Variants in CTPS2 observed in about 807,000 individuals in gnomAD.
CTPS2 encodes the protein CTP synthase II.
In CTPS2, 19 loss-of-function variants were observed where a neutral mutation model predicts 46.8. The observed-to-expected ratio is 0.41, with a 90% confidence interval of 0.28 to 0.60. CTPS2 has a LOEUF of 0.60. Ranked by LOEUF, CTPS2 falls within the 20% of genes least tolerant of loss-of-function variation. The probability of loss-of-function intolerance (pLI) is 0.35; values close to 1 mark genes in which losing one functional copy is unlikely to be tolerated. For missense variants in CTPS2, 286 were observed against 447.6 expected, an observed-to-expected ratio of 0.64 and a Z score of 3.26; for synonymous variants, 151 against 165.2, an observed-to-expected ratio of 0.91 and a Z score of 0.66.
intron 13 of CTPS2, among the ~76,000 whole-genome samples, chrX:16,653,185 T>C (rs1932732099): frequency 9.0e-6 from 1 of 111,090 alleles, no homozygotes; most frequent in South Asian, 3.7e-4. Context: ...TAAGTAGTAT[T>C]TTGCACAGAT....
At chrX:16,673,385 C>A (rs936290518) in intron 10 of CTPS2, among the ~76,000 whole-genome samples, 1 of 111,098 alleles carries the variant, frequency 9.0e-6, no homozygotes, top group African/African-American at 3.3e-5. Context: ...TCCCTCTCAT[C>A]TTGTTTCATG....
At chrX:16,644,948 G>A (rs770543017) in intron 13 of CTPS2, among the ~76,000 whole-genome samples, 1 of 112,374 alleles carries the variant, frequency 8.9e-6, no homozygotes, top group African/African-American at 3.2e-5. Flanking sequence ...GTCAAGTTCA[G>A]ATCAAGTACT....
intron 1 of CTPS2, chrX:16,711,828 C>T (rs1925482938): frequency 1.8e-5 from 2 of 111,458 alleles, no homozygotes; most frequent in African/African-American, 6.5e-5. Context: ...TGCGCCCTAA[C>T]CATCTAGTAC....
rs377257523 is a variant in CTPS2, at chrX:16,637,985, G to A, written c.1393+1162C>T. 7.1e-5 allele frequency among the ~76,000 whole-genome samples: 8 copies of A among 111,903 alleles called. 1 individual carries two copies. Among genetic ancestry groups the A allele is most frequent in the Admixed American group, 2.8e-4 (3 of 10,552 alleles). On this transcript the variant is annotated intron_variant, in intron 14 of 18. Transcript: ENST00000359276. ...TTCTGAAGAATTCTTGCCGGGCGTG[G>A]TGACTCACGCCTGTAATCCCAGCAC... is the stretch of plus-strand genomic sequence containing the variant.
chrX:16,639,495 G>T (rs1024506032), intron 13 of CTPS2, among the ~76,000 whole-genome samples: 9 of 110,425 alleles, frequency 8.2e-5, no homozygotes, highest in African/African-American at 2.6e-4. Context: ...GCATCTTGAT[G>T]ATGTCCCTCC....
chrX:16,610,932 G>A (rs1309965555), intron 16 of CTPS2, among the ~76,000 whole-genome samples: 1 of 111,833 alleles, frequency 8.9e-6, no homozygotes, highest in Non-Finnish European at 1.9e-5. Flanking sequence ...GAATTAACAC[G>A]GAAACAGAAA....
intron 11 of CTPS2, 52 bp downstream of exon 11, chrX:16,670,528 G>C: frequency 2.1e-6 from 2 of 945,393 alleles, no homozygotes; most frequent in Non-Finnish European, 3.0e-6. Flanking sequence ...CCCCTCCTAG[G>C]TGTCAAAAAT....
At chrX:16,652,927 G>T (rs929750773) in intron 13 of CTPS2, among the ~76,000 whole-genome samples, 4 of 111,323 alleles carry the variant, frequency 3.6e-5, no homozygotes, top group African/African-American at 1.3e-4. Flanking sequence ...CTTACAGTTT[G>T]GTCTTGTAAT....
intron 17 of CTPS2, among the ~76,000 whole-genome samples, chrX:16,594,391 C>T (rs1373059272): frequency 9.0e-6 from 1 of 111,599 alleles, no homozygotes; most frequent in Non-Finnish European, 1.9e-5. Flanking sequence ...GAAAAAATGG[C>T]AATAATACCT....
At chrX:16,701,538 C>T (rs1319257236) in intron 2 of CTPS2, among the ~76,000 whole-genome samples, 1 of 109,204 alleles carries the variant, frequency 9.2e-6, no homozygotes, top group African/African-American at 3.3e-5. Context: ...CCAGCCTGGG[C>T]GATAGAGTGA....
intron 17 of CTPS2, among the ~76,000 whole-genome samples, chrX:16,597,021 G>T (rs763130386): frequency 1.7e-3 from 184 of 107,527 alleles, no homozygotes; most frequent in African/African-American, 5.9e-3. Context: ...CATGTCCTTC[G>T]CCCACTTTTT....
intron 14 of CTPS2, among the ~76,000 whole-genome samples, chrX:16,621,000 A>T (rs182703070): frequency 1.5e-4 from 17 of 112,150 alleles, no homozygotes; most frequent in Non-Finnish European, 3.2e-4. Flanking sequence ...ATAGCAAATA[A>T]TTGGAAGCAA....
chrX:16,624,431 G>C (rs1931018636), intron 14 of CTPS2, among the ~76,000 whole-genome samples: 1 of 111,502 alleles, frequency 9.0e-6, no homozygotes, highest in Non-Finnish European at 1.9e-5. Flanking sequence ...CTGGAGCCCG[G>C]GTACCCCAGT....
intron 13 of CTPS2, among the ~76,000 whole-genome samples, chrX:16,664,967 A>G (rs1472770244): frequency 8.9e-6 from 1 of 112,262 alleles, no homozygotes; most frequent in African/African-American, 3.2e-5. Flanking sequence ...CCTAATTTTA[A>G]AATAGACAAA....
chrX:16,685,859 T>A (rs1923153524), intron 8 of CTPS2, among the ~76,000 whole-genome samples: 1 of 83,446 alleles, frequency 1.2e-5, no homozygotes, highest in African/African-American at 4.7e-5. Context: ...ACAGCGAGAC[T>A]CTGTCTCCAA....
chrX:16,604,546 G>T (rs967607777), intron 17 of CTPS2, among the ~76,000 whole-genome samples: 2 of 111,259 alleles, frequency 1.8e-5, no homozygotes, highest in Non-Finnish European at 3.8e-5. Context: ...TAGGCCTCAG[G>T]CCAGGCACAT....
intron 18 of CTPS2, 146 bp from the exon 19 acceptor site, chrX:16,589,921 A>G (rs1928800899): frequency 8.9e-6 from 1 of 112,643 alleles, no homozygotes; most frequent in South Asian, 3.7e-4. Context: ...ACAGCTTTGC[A>G]TCTTCCCTGA....
chrX:16,610,075 C>G (rs1026155120), intron 16 of CTPS2, among the ~76,000 whole-genome samples: 6 of 111,577 alleles, frequency 5.4e-5, no homozygotes, highest in Admixed American at 9.6e-5. Context: ...CCTGCAAGGT[C>G]TTCTCCTTTC....
At chrX:16,619,236 T>C (rs1468789655) in intron 15 of CTPS2, among the ~76,000 whole-genome samples, 1 of 112,162 alleles carries the variant, frequency 8.9e-6, no homozygotes, top group Non-Finnish European at 1.9e-5. Context: ...ACTCCACCCC[T>C]ATATGAACCA....
Sources: allele counts gnomAD v4.1 joint callset (sites outside exome capture counted in the v4.1 genomes callset), GRCh38; gene constraint gnomAD v4.1.1; transcripts MANE v1.5; gene names NCBI Gene and HGNC (gene_info 2026-07-23, HGNC 2026-07-21).